Variants in HYCC1 observed in about 807,000 individuals in gnomAD.
The protein encoded by HYCC1 is hyccin.
the HYCC1 span, chr7:22,976,258 G>C: frequency 6.2e-7 from 1 of 1,613,242 alleles, no homozygotes; most frequent in Non-Finnish European, 8.5e-7. Flanking sequence ...GGGCATGTAA[G>C]TTAAGGCAGC....
At chr7:22,979,197 C>T in the HYCC1 span, among the ~76,000 whole-genome samples, 1 of 152,136 alleles carries the variant, frequency 6.6e-6, no homozygotes, top group Non-Finnish European at 1.5e-5. Context: ...TGAACAAAAA[C>T]TAATTTACAG....
chr7:22,896,277 T>A, the HYCC1 span, among the ~76,000 whole-genome samples: 3 of 152,160 alleles, frequency 2.0e-5, no homozygotes, highest in Non-Finnish European at 4.4e-5. Context: ...AATTGATAAA[T>A]TGAATATGAC....
chr7:22,914,270 G>A, the HYCC1 span, among the ~76,000 whole-genome samples: 13 of 152,132 alleles, frequency 8.5e-5, no homozygotes, highest in African/African-American at 2.9e-4. Flanking sequence ...TTGCGGGGAC[G>A]CCCGCTTTGG....
At chr7:22,947,042 C>T in the HYCC1 span, 1 of 1,550,244 alleles carries the variant, frequency 6.5e-7, no homozygotes, top group South Asian at 1.2e-5. Flanking sequence ...CAGATTTTTG[C>T]CTCCTGATCT....
the HYCC1 span, among the ~76,000 whole-genome samples, chr7:22,908,357 T>G: frequency 4.6e-5 from 7 of 152,326 alleles, no homozygotes; most frequent in African/African-American, 1.7e-4. Flanking sequence ...TTACATTTTC[T>G]TGTATGGCAC....
the HYCC1 span, among the ~76,000 whole-genome samples, chr7:23,006,654 G>A: frequency 6.6e-6 from 1 of 152,074 alleles, no homozygotes; most frequent in East Asian, 1.9e-4. Flanking sequence ...AAATATTCCA[G>A]TAGCTAAAAC....
the HYCC1 span, chr7:22,945,141 T>C: frequency 5.6e-6 from 1 of 178,896 alleles, no homozygotes; most frequent in Admixed American, 5.7e-5. Flanking sequence ...TCTGCCCCAT[T>C]CTCTATAAAA....
the HYCC1 span, among the ~76,000 whole-genome samples, chr7:22,907,480 T>C: frequency 6.6e-6 from 1 of 152,178 alleles, no homozygotes; most frequent in African/African-American, 2.4e-5. Flanking sequence ...ACACCATTTA[T>C]TGAGAACCTT....
chr7:22,990,072 G>A, the HYCC1 span, among the ~76,000 whole-genome samples: 1 of 152,186 alleles, frequency 6.6e-6, no homozygotes, highest in Admixed American at 6.5e-5. Flanking sequence ...CAACCCAGGT[G>A]CAGAGATATA....
chr7:22,920,562 T>C, the HYCC1 span, among the ~76,000 whole-genome samples: 34 of 151,372 alleles, frequency 2.2e-4, no homozygotes, highest in African/African-American at 8.0e-4. Flanking sequence ...CATTCTCAAA[T>C]AAACAAAACT....
At chr7:22,915,214 C>G in the HYCC1 span, among the ~76,000 whole-genome samples, 1 of 152,206 alleles carries the variant, frequency 6.6e-6, no homozygotes, top group Non-Finnish European at 1.5e-5. Flanking sequence ...TCAAACCCCA[C>G]AACAGGACTT....
chr7:23,012,657 C>G, the HYCC1 span, among the ~76,000 whole-genome samples: 8 of 152,084 alleles, frequency 5.3e-5, no homozygotes, highest in African/African-American at 1.9e-4. Flanking sequence ...GTTTAGACTA[C>G]TATTCATCCT....
chr7:22,911,788 G>A, the HYCC1 span, among the ~76,000 whole-genome samples: 1 of 152,110 alleles, frequency 6.6e-6, no homozygotes, highest in Non-Finnish European at 1.5e-5. Flanking sequence ...AAATAAAAAG[G>A]TTCGACTTCT....
the HYCC1 span, among the ~76,000 whole-genome samples, chr7:22,973,540 T>C: frequency 6.6e-6 from 1 of 152,296 alleles, no homozygotes; most frequent in South Asian, 2.1e-4. Context: ...TTAGCATTAT[T>C]TAGATAGCTT....
At chr7:22,973,840 T>TAC in the HYCC1 span, among the ~76,000 whole-genome samples, 1 of 152,238 alleles carries the variant, frequency 6.6e-6, no homozygotes, top group African/African-American at 2.4e-5. Flanking sequence ...TAGAATGTAC[T>TAC]ACGTTAGAGT....
chr7:22,989,347 T>C, the HYCC1 span, among the ~76,000 whole-genome samples: 1 of 151,862 alleles, frequency 6.6e-6, no homozygotes, highest in Non-Finnish European at 1.5e-5. Flanking sequence ...AGTTTTTTGT[T>C]TTGTTTTGTT....
chr7:22,977,365 T>G, the HYCC1 span: 1 of 1,597,724 alleles, frequency 6.3e-7, no homozygotes, highest in Non-Finnish European at 8.6e-7. Context: ...ATGGTTTGGA[T>G]AAAGATGGAA....
At chr7:22,903,565 T>C in the HYCC1 span, among the ~76,000 whole-genome samples, 3 of 152,194 alleles carry the variant, frequency 2.0e-5, no homozygotes, top group Non-Finnish European at 4.4e-5. Context: ...AGAAATTAAT[T>C]TGTTACCAGC....
At chr7:22,938,169 A>AT in the HYCC1 span, 1 of 152,048 alleles carries the variant, frequency 6.6e-6, no homozygotes, top group African/African-American at 2.4e-5. Flanking sequence ...AACAATCCCT[A>AT]TTTTTTTGTT....
Sources: allele counts gnomAD v4.1 joint callset (sites outside exome capture counted in the v4.1 genomes callset), GRCh38; gene constraint gnomAD v4.1.1; transcripts MANE v1.5; gene names NCBI Gene and HGNC (gene_info 2026-07-23, HGNC 2026-07-21).